PUDP: variants seen among roughly 807,000 people sequenced by gnomAD.
PUDP encodes the protein pseudouridine-5'-phosphatase.
In PUDP, 8 loss-of-function variants were observed where a neutral mutation model predicts 9.4. The ratio of observed to expected loss-of-function variants is 0.85; its 90% confidence interval spans 0.50 to 1.53. The LOEUF is 1.53. Ranked by LOEUF, PUDP falls within the 40% of genes most tolerant of loss-of-function variation. The pLI, the probability that PUDP is intolerant of heterozygous loss-of-function variation, is 0.00. For missense variants in PUDP, 188 were observed against 189.7 expected, an observed-to-expected ratio of 0.99 and a Z score of 0.05; for synonymous variants, 99 against 80.7, an observed-to-expected ratio of 1.23 and a Z score of -1.22.
At chrX:6,963,265 C>T in intron 3 of PUDP, among the ~76,000 whole-genome samples, 1 of 111,725 alleles carries the variant, frequency 9.0e-6, no homozygotes, top group South Asian at 3.8e-4. Flanking sequence ...TTGGCTTCTT[C>T]CTGGGAGGAT....
chrX:6,765,316 C>A (rs1480939221), intron 3 of PUDP, among the ~76,000 whole-genome samples: 1 of 110,720 alleles, frequency 9.0e-6, no homozygotes, highest in Non-Finnish European at 1.9e-5. Context: ...CCAACAACAA[C>A]AACAAAAAGA....
chrX:6,970,914 G>A (rs1928864115), intron 3 of PUDP, among the ~76,000 whole-genome samples: 1 of 110,512 alleles, frequency 9.0e-6, no homozygotes, highest in African/African-American at 3.3e-5. Flanking sequence ...CACTGGGCGT[G>A]GTAGCAGGTG....
intron 1 of PUDP, among the ~76,000 whole-genome samples, chrX:7,132,854 G>A (rs1932654870): frequency 9.0e-6 from 1 of 111,477 alleles, no homozygotes; most frequent in Non-Finnish European, 1.9e-5. Context: ...TCACCCTCAT[G>A]AGCATCAAAA....
chrX:6,746,524 G>A (rs1232456323), intron 3 of PUDP, among the ~76,000 whole-genome samples: 2 of 111,109 alleles, frequency 1.8e-5, no homozygotes, highest in Non-Finnish European at 1.9e-5. Context: ...TAGGTATTAA[G>A]CCCAGCATGC....
At chrX:6,923,630 G>A (rs1187877279) in intron 3 of PUDP, among the ~76,000 whole-genome samples, 1 of 111,357 alleles carries the variant, frequency 9.0e-6, no homozygotes, top group African/African-American at 3.3e-5. Context: ...GGAACCCCCA[G>A]GACATCGCCC....
intron 3 of PUDP, among the ~76,000 whole-genome samples, chrX:6,820,493 T>G (rs1224106151): frequency 2.7e-5 from 3 of 111,852 alleles, no homozygotes; most frequent in Non-Finnish European, 5.6e-5. Flanking sequence ...TATGAGCCTG[T>G]AAAATCAAAA....
chrX:7,117,089 C>T, intron 1 of PUDP: 2 of 1,156,758 alleles, frequency 1.7e-6, no homozygotes, highest in Non-Finnish European at 2.3e-6. Flanking sequence ...CTAGACTCAG[C>T]CATTTCTTTA....
chrX:6,715,232 T>C (rs1924586585), intron 1 of PUDP, among the ~76,000 whole-genome samples: 1 of 111,277 alleles, frequency 9.0e-6, no homozygotes, highest in African/African-American at 3.3e-5. Context: ...CATTTTTCCA[T>C]CCCAATAAAT....
rs58441346 is a variant in PUDP at position 6,919,858 on chromosome X, C to CA, written c.*247+57274dup. On this transcript the variant is annotated intron_variant and NMD_transcript_variant, in intron 3 of 3. Coordinates refer to the PUDP transcript ENST00000655425. ...TGGGTGACAGAGCAAGACTCCATCTCAAAAAAAAAAAAAAAAAAAAAAAAA... is the reference window on the plus strand; with the variant it reads ...TGGGTGACAGAGCAAGACTCCATCTCAAAAAAAAAAAAAAAAAAAAAAAAAA... 3.6e-3 allele frequency among the ~76,000 whole-genome samples: 95 copies of CA among 26,486 alleles called. 18 individuals carry two copies. Among genetic ancestry groups the CA allele is most frequent in the African/African-American group, 5.4e-3 (36 of 6,674 alleles). The allele number at this position is 26,486 out of a possible 115,157, so 23.0% of individuals were successfully genotyped here. A position where few individuals can be genotyped will look rare whatever the true frequency, so the allele number is the denominator to read the frequency against.
rs1369408503 is a variant in PUDP at position 7,127,250 on chromosome X, G to A, written c.61+20803C>T. ...TTTATTCCACAGCTCCAATTACCAG[G>A]GAAGGACAGCTGGTAAGAGACCGCC... On this transcript the variant is annotated intron_variant, in intron 1 of 3. Transcript: ENST00000381077. Among the ~76,000 whole-genome samples, 3 of 112,077 alleles carry A rather than the reference G, an allele frequency of 2.7e-5. No homozygotes were observed. The Admixed American group carries it at 2.8e-4, about 11-fold the overall frequency.
At chrX:6,792,936 C>T (rs980562958) in intron 3 of PUDP, among the ~76,000 whole-genome samples, 15 of 112,859 alleles carry the variant, frequency 1.3e-4, no homozygotes, top group Non-Finnish European at 2.8e-4. Context: ...TGGTAACAGC[C>T]TGGGGAGAAA....
chrX:6,930,955 CA>C (rs775801816), intron 3 of PUDP, among the ~76,000 whole-genome samples: 4,685 of 85,578 alleles, frequency 0.055, 142 homozygotes, highest in African/African-American at 0.13. Context: ...CATCCTTATA[CA>C]AAAAAAAAAA....
intron 3 of PUDP, among the ~76,000 whole-genome samples, chrX:6,961,803 A>T (rs1373318662): frequency 8.9e-6 from 1 of 111,908 alleles, no homozygotes; most frequent in African/African-American, 3.2e-5. Flanking sequence ...TCATTCTTGC[A>T]CTGCTCTGGA....
chrX:6,851,297 A>G (rs1926823257), intron 3 of PUDP, among the ~76,000 whole-genome samples: 2 of 112,485 alleles, frequency 1.8e-5, no homozygotes, highest in South Asian at 7.3e-4. Flanking sequence ...GAAGATTTCT[A>G]GAGAAGTGAA....
At chrX:6,825,722 C>T (rs190221952) in intron 3 of PUDP, among the ~76,000 whole-genome samples, 6 of 110,872 alleles carry the variant, frequency 5.4e-5, no homozygotes, top group African/African-American at 2.0e-4. Context: ...AGCTATGGAG[C>T]TTCCCAGAGA....
intron 3 of PUDP, among the ~76,000 whole-genome samples, chrX:6,800,968 C>T (rs1017350804): frequency 1.8e-5 from 2 of 111,475 alleles, no homozygotes; most frequent in Non-Finnish European, 3.8e-5. Context: ...CCTGCCACCA[C>T]CTCAAATGCC....
rs906880621 is a variant in PUDP, at chrX:6,739,743, C to T, written c.*248-33277G>A. On this transcript the variant is annotated intron_variant and NMD_transcript_variant, in intron 3 of 3. Transcript: ENST00000655425. ...TAGAGGCACAAATATTCCCTCTCTT[C>T]TCCAAATATTTCCTCCTTCATCTGT... 6.2e-5 allele frequency among the ~76,000 whole-genome samples: 7 copies of T among 112,333 alleles called. No individual in the cohort carries two copies. The East Asian group carries it at 2.0e-3, about 31-fold the overall frequency.
intron 1 of PUDP, among the ~76,000 whole-genome samples, chrX:7,146,543 G>A (rs773797433): frequency 1.8e-5 from 2 of 110,933 alleles, no homozygotes; most frequent in Admixed American, 9.5e-5. Context: ...TGCATACACC[G>A]TTGGCTCCAA....
In PUDP at chrX:6,926,398, G is replaced by A. The variant is rs762059028; in HGVS notation, c.*247+50735C>T. 2.7e-5 allele frequency among the ~76,000 whole-genome samples: 3 copies of A among 111,908 alleles called. No individual in the cohort carries two copies. In the South Asian group the frequency reaches 1.1e-3, roughly 42 times the overall value. ...AACACACAATGCAAAACACAAAGGA[G>A]GCACGAATTGTGGATACACTTAAAT... On this transcript the variant is annotated intron_variant and NMD_transcript_variant, in intron 3 of 3. Transcript: ENST00000655425.
Sources: gnomAD v4.1 joint callset for allele counts (sites outside exome capture counted in the v4.1 genomes callset) on GRCh38, gnomAD v4.1.1 for gene constraint, MANE v1.5 for transcripts, NCBI Gene and HGNC (gene_info 2026-07-23, HGNC 2026-07-21) for gene names.